The following RPTOR variants were observed in gnomAD, a reference collection of about 807,000 sequenced individuals.
RPTOR encodes the protein regulatory associated protein of MTOR complex 1.
In RPTOR, 21 loss-of-function variants were observed where a neutral mutation model predicts 169.9. The ratio of observed to expected loss-of-function variants is 0.12; its 90% confidence interval spans 0.09 to 0.18. The LOEUF is 0.18. Among genes scored for constraint, RPTOR ranks in the 10% least tolerant of loss-of-function variants. The probability of loss-of-function intolerance (pLI) is 1.00; values close to 1 mark genes in which losing one functional copy is unlikely to be tolerated. For missense variants in RPTOR, 1,133 were observed against 1,855.9 expected (o/e 0.61, Z 7.16); for synonymous variants, 732 against 753.2 (o/e 0.97, Z 0.46).
chr17:80,737,678 T>C (rs570228384), intron 5 of RPTOR, among the ~76,000 whole-genome samples: 72 of 152,294 alleles, frequency 4.7e-4, no homozygotes, highest in Non-Finnish European at 5.9e-4. Context: ...TATACTTTAT[T>C]TATAGTAAGC....
intron 3 of RPTOR, among the ~76,000 whole-genome samples, chr17:80,669,852 A>G (rs969635344): frequency 3.9e-5 from 6 of 152,098 alleles, no homozygotes; most frequent in Non-Finnish European, 8.8e-5. Flanking sequence ...TACTTATTCA[A>G]ATAATTCATT....
At chr17:80,584,404 C>T (rs1162391934) in intron 1 of RPTOR, among the ~76,000 whole-genome samples, 1 of 151,848 alleles carries the variant, frequency 6.6e-6, no homozygotes, top group Non-Finnish European at 1.5e-5. Flanking sequence ...TCATAAATAA[C>T]TGCCTTTCAA....
chr17:80,554,189 A>AT (rs951692827), intron 1 of RPTOR, among the ~76,000 whole-genome samples: 47 of 149,430 alleles, frequency 3.1e-4, no homozygotes, highest in African/African-American at 4.4e-4. Flanking sequence ...CCATGCCTAG[A>AT]TTTTTTTTTT....
chr17:80,895,396 T>C (rs573947175), intron 20 of RPTOR, among the ~76,000 whole-genome samples: 1 of 152,338 alleles, frequency 6.6e-6, no homozygotes, highest in Admixed American at 6.5e-5. Flanking sequence ...ATTTTTCTCC[T>C]GAGGACTGTG....
At chr17:80,910,149 C>A (rs2068594802) in intron 21 of RPTOR, among the ~76,000 whole-genome samples, 1 of 152,184 alleles carries the variant, frequency 6.6e-6, no homozygotes. Flanking sequence ...GTCACCACCT[C>A]AGCCTCCCTG....
intron 28 of RPTOR, among the ~76,000 whole-genome samples, chr17:80,955,922 G>GGTTAGTTGTACAGTGGAAGGTTA (rs2069242931): frequency 6.6e-6 from 1 of 152,220 alleles, no homozygotes; most frequent in Non-Finnish European, 1.5e-5. Flanking sequence ...CAAATGACGG[G>GGTTAGTTGTACAGTGGAAGGTTA]GTTAGTTGTA....
At chr17:80,709,323 C>T (rs916706230) in intron 4 of RPTOR, among the ~76,000 whole-genome samples, 12 of 152,250 alleles carry the variant, frequency 7.9e-5, no homozygotes, top group African/African-American at 2.4e-4. Context: ...CAGCTGCAGT[C>T]TCTCCTTTCC....
At chr17:80,597,612 T>C (rs575371893) in intron 1 of RPTOR, among the ~76,000 whole-genome samples, 60 of 152,176 alleles carry the variant, frequency 3.9e-4, no homozygotes, top group African/African-American at 1.4e-3. Flanking sequence ...CTGCAACCTC[T>C]GGCTCCTGGC....
intron 1 of RPTOR, among the ~76,000 whole-genome samples, chr17:80,567,161 G>A (rs12939332): frequency 0.64 from 97,001 of 151,686 alleles, 31,470 homozygotes; most frequent in Middle Eastern, 0.72. Context: ...AGTACAGACA[G>A]GGTTTCATCA....
At chr17:80,894,886 GCA>G (rs1440451327) in intron 20 of RPTOR, among the ~76,000 whole-genome samples, 1 of 152,208 alleles carries the variant, frequency 6.6e-6, no homozygotes, top group Non-Finnish European at 1.5e-5. Flanking sequence ...ATGAGCCCTG[GCA>G]CACACGTGGT....
intron 25 of RPTOR, among the ~76,000 whole-genome samples, chr17:80,942,551 G>A (rs926388682): frequency 1.1e-4 from 16 of 152,138 alleles, no homozygotes; most frequent in African/African-American, 3.9e-4. Flanking sequence ...CAGGCGTAGT[G>A]CCGGGAGTCA....
chr17:80,552,155 ATC>A (rs1457672269), intron 1 of RPTOR, among the ~76,000 whole-genome samples: 1 of 152,092 alleles, frequency 6.6e-6, no homozygotes. Flanking sequence ...TAACAATCTG[ATC>A]TCTCTTGCTT....
At chr17:80,742,167 T>C (rs1460513413) in intron 5 of RPTOR, among the ~76,000 whole-genome samples, 1 of 152,146 alleles carries the variant, frequency 6.6e-6, no homozygotes, top group Non-Finnish European at 1.5e-5. Flanking sequence ...TGAGGGAGGT[T>C]TGTTTTCGTC....
intron 9 of RPTOR, among the ~76,000 whole-genome samples, chr17:80,834,879 G>A (rs1027609959): frequency 3.9e-5 from 6 of 152,248 alleles, no homozygotes; most frequent in South Asian, 2.1e-4. Flanking sequence ...CCCTCCTCTC[G>A]CCTCCACCTC....
intron 13 of RPTOR, among the ~76,000 whole-genome samples, chr17:80,872,999 CG>C (rs71367020): frequency 3.3e-5 from 5 of 152,160 alleles, no homozygotes; most frequent in Non-Finnish European, 7.4e-5. Flanking sequence ...GAGGAGGCCC[CG>C]GGGGGGACCC....
At chr17:80,842,035 T>TCAC (rs891703063) in intron 10 of RPTOR, among the ~76,000 whole-genome samples, 28 of 152,002 alleles carry the variant, frequency 1.8e-4, no homozygotes, top group African/African-American at 6.8e-4. Flanking sequence ...CAGCTCACTC[T>TCAC]CACCACACGG....
In RPTOR at chr17:80,633,819, G is replaced by A. The variant is rs752204388; in HGVS notation, c.265+8026G>A. Among the ~76,000 whole-genome samples, 7 of 152,166 alleles carry A rather than the reference G, an allele frequency of 4.6e-5. No individual in the cohort carries two copies. The highest frequency in any genetic ancestry group is 2.1e-4 in the South Asian group (1 of 4,834). On this transcript the variant is annotated intron_variant, in intron 2 of 33. Coordinates refer to ENST00000306801, the MANE Select transcript of RPTOR (RefSeq NM_020761.3). This position sits in a 1 kb window ranked among gnomAD's most constrained non-coding sequence, Gnocchi z 4.1. ...GAATCCAGTGTTATCCTTTGGTGCCGAGCTTGTCTCCCTCTGGTTGTTGGG... is the reference window on the plus strand; with the variant it reads ...GAATCCAGTGTTATCCTTTGGTGCCAAGCTTGTCTCCCTCTGGTTGTTGGG...
intron 1 of RPTOR, among the ~76,000 whole-genome samples, chr17:80,615,524 C>T (rs1022623374): frequency 6.6e-5 from 10 of 152,148 alleles, no homozygotes; most frequent in Admixed American, 1.3e-4. Flanking sequence ...AGATGTCTGC[C>T]GTGGTTCCCC....
chr17:80,745,427 G>T (rs936528661), intron 5 of RPTOR, among the ~76,000 whole-genome samples: 1 of 152,140 alleles, frequency 6.6e-6, no homozygotes, highest in Non-Finnish European at 1.5e-5. Context: ...TCTCAGCCTG[G>T]ATGTGATAGT....
Sources: gnomAD v4.1 joint callset for allele counts (sites outside exome capture counted in the v4.1 genomes callset) on GRCh38, gnomAD v4.1.1 for gene constraint, Gnocchi (gnomAD v3.1) non-coding constraint, MANE v1.5 for transcripts, NCBI Gene and HGNC (gene_info 2026-07-23, HGNC 2026-07-21) for gene names.